Variants in SLC14A2 observed in about 807,000 individuals in gnomAD.
SLC14A2 encodes solute carrier family 14 member 2.
SLC14A2 carries 91 observed loss-of-function variants against 104.6 expected under a neutral mutation model. The ratio of observed to expected loss-of-function variants is 0.87; its 90% CI spans 0.73 to 1.04. The LOEUF (loss-of-function observed/expected upper bound fraction) is 1.04. SLC14A2 is among the 50% of genes least tolerant of loss of function. The pLI, the probability that SLC14A2 is intolerant of heterozygous loss-of-function variation, is 0.00. For synonymous variants in SLC14A2, 476 were observed against 466.4 expected, an observed-to-expected ratio of 1.02 and a Z score of -0.27; for missense variants, 1,189 against 1,156.0, an observed-to-expected ratio of 1.03 and a Z score of -0.41.
chr18:45,373,595 G>A (rs1044112920), intron 1 of SLC14A2, among the ~76,000 whole-genome samples: 4 of 152,158 alleles, frequency 2.6e-5, no homozygotes, highest in African/African-American at 9.7e-5. Context: ...GGGACAACTG[G>A]GGGCACTATA....
At chr18:45,557,968 G>A (rs773598313) in intron 2 of SLC14A2, among the ~76,000 whole-genome samples, 10 of 152,126 alleles carry the variant, frequency 6.6e-5, no homozygotes, top group Admixed American at 5.2e-4. Context: ...GACACACCCA[G>A]GATGTCCACT....
At chr18:45,504,404 A>G (rs2043250251) in intron 2 of SLC14A2, among the ~76,000 whole-genome samples, 1 of 152,172 alleles carries the variant, frequency 6.6e-6, no homozygotes, top group Non-Finnish European at 1.5e-5. Flanking sequence ...CCAGTGAACC[A>G]TTTGCCAGAC....
At chr18:45,240,529 C>T (rs940564372) in intron 1 of SLC14A2, among the ~76,000 whole-genome samples, 2 of 151,880 alleles carry the variant, frequency 1.3e-5, no homozygotes, top group Admixed American at 6.6e-5. Context: ...CCTTTTAGAT[C>T]TTCTATGTTC....
chr18:45,527,929 C>T (rs1035653578), intron 2 of SLC14A2: 4 of 152,180 alleles, frequency 2.6e-5, no homozygotes, highest in African/African-American at 7.2e-5. Flanking sequence ...AGTCTTGACA[C>T]TGCCTCCTGG....
chr18:45,260,521 G>T (rs2084524934), intron 1 of SLC14A2, among the ~76,000 whole-genome samples: 1 of 152,064 alleles, frequency 6.6e-6, no homozygotes, highest in African/African-American at 2.4e-5. Context: ...TATGTTCATT[G>T]CAGCACTATT....
intron 1 of SLC14A2, among the ~76,000 whole-genome samples, chr18:45,384,973 C>T (rs1290490188): frequency 6.6e-6 from 1 of 152,196 alleles, no homozygotes; most frequent in Non-Finnish European, 1.5e-5. Context: ...TTAAGCTTCT[C>T]CTGCCTTTTA....
At position 45,598,756 on chromosome 18, in the gene SLC14A2, G is replaced by T. The variant is rs11659428; in HGVS notation, c.-34-25875G>T. Among the ~76,000 whole-genome samples the T allele has an allele frequency of 4.3e-3, 647 of 152,230 alleles. 3 individuals are homozygous for T. Among genetic ancestry groups the T allele is most frequent in the Non-Finnish European group, 7.4e-3 (500 of 68,020 alleles). On this transcript the variant is annotated intron_variant, in intron 2 of 20. Transcript: ENST00000586448. ...TCTTGTCCTGACTTTCTAACAATTC[G>T]CTCTGAGACCTCCAATCAGTCCCTC...
chr18:45,508,704 C>A (rs1296859738), intron 2 of SLC14A2, among the ~76,000 whole-genome samples: 1 of 152,102 alleles, frequency 6.6e-6, no homozygotes, highest in African/African-American at 2.4e-5. Flanking sequence ...GATGGGTCAC[C>A]CAATCTTCTG....
intron 2 of SLC14A2, among the ~76,000 whole-genome samples, chr18:45,568,946 A>G (rs942509271): frequency 2.0e-5 from 3 of 152,224 alleles, no homozygotes; most frequent in Non-Finnish European, 4.4e-5. Context: ...CCAGTAAAAG[A>G]AGAGGAATGT....
intron 1 of SLC14A2, among the ~76,000 whole-genome samples, chr18:45,325,447 G>C (rs997576433): frequency 6.6e-6 from 1 of 152,192 alleles, no homozygotes; most frequent in Admixed American, 6.5e-5. Context: ...TTACACTGGT[G>C]AATCCTCTCC....
chr18:45,532,411 C>G (rs2043707674), intron 2 of SLC14A2, among the ~76,000 whole-genome samples: 1 of 151,528 alleles, frequency 6.6e-6, no homozygotes, highest in Non-Finnish European at 1.5e-5. Context: ...TGAAGAGGTC[C>G]TTCACATCCC....
At chr18:45,614,601 G>T (rs1436660608), upstream of SLC14A2, among the ~76,000 whole-genome samples, 1 of 152,214 alleles carries the variant, frequency 6.6e-6, no homozygotes, top group African/African-American at 2.4e-5. Flanking sequence ...TCTTGCATCA[G>T]CATGACCTGG....
intron 1 of SLC14A2, among the ~76,000 whole-genome samples, chr18:45,334,646 G>T (rs1165189759): frequency 6.6e-6 from 1 of 152,068 alleles, no homozygotes; most frequent in East Asian, 1.9e-4. Context: ...AACCCATTTT[G>T]CCTTGATCTT....
chr18:45,236,940 T>C (rs930016069), intron 1 of SLC14A2, among the ~76,000 whole-genome samples: 3 of 152,060 alleles, frequency 2.0e-5, no homozygotes, highest in African/African-American at 4.8e-5. Flanking sequence ...GTTGGTCTAG[T>C]CTCAACCCTG....
intron 1 of SLC14A2, among the ~76,000 whole-genome samples, chr18:45,314,945 T>A (rs1184121145): frequency 6.6e-6 from 1 of 152,160 alleles, no homozygotes; most frequent in Non-Finnish European, 1.5e-5. Context: ...GAAGCAAACC[T>A]CATGTTAGCA....
At chr18:45,339,631 A>G (rs1214340301) in intron 1 of SLC14A2, among the ~76,000 whole-genome samples, 1 of 152,176 alleles carries the variant, frequency 6.6e-6, no homozygotes, top group Non-Finnish European at 1.5e-5. Context: ...AAACAATATA[A>G]CTACATGGAG....
At chr18:45,210,618 G>T (rs956454646), upstream of SLC14A2, among the ~76,000 whole-genome samples, 1 of 152,210 alleles carries the variant, frequency 6.6e-6, no homozygotes, top group Non-Finnish European at 1.5e-5. Context: ...CCTACTGTGT[G>T]CCAGGCACTG....
intron 2 of SLC14A2, among the ~76,000 whole-genome samples, chr18:45,589,101 C>T (rs2044611380): frequency 1.3e-5 from 2 of 152,174 alleles, no homozygotes; most frequent in African/African-American, 2.4e-5. Context: ...CTCATTATGG[C>T]ACATATTTAT....
chr18:45,664,053 C>T, intron 11 of SLC14A2, 146 bp downstream of exon 11: 1 of 785,444 alleles, frequency 1.3e-6, no homozygotes. Context: ...CTGACCAAGG[C>T]CACAGTTCCC....
Sources: gnomAD v4.1 joint callset for allele counts (sites outside exome capture counted in the v4.1 genomes callset) on GRCh38, gnomAD v4.1.1 for gene constraint, MANE v1.5 for transcripts, NCBI Gene and HGNC (gene_info 2026-07-23, HGNC 2026-07-21) for gene names.